CUL4B: variants seen among roughly 807,000 people sequenced by gnomAD.
The protein encoded by CUL4B is cullin-4B.
Under a neutral mutation model 69.2 loss-of-function variants are expected in CUL4B, and 1 was observed. That is an observed-to-expected ratio of 0.01 (90% CI 0.01 to 0.07). The LOEUF (loss-of-function observed/expected upper bound fraction) is 0.07, where lower values mean the gene tolerates loss of function less well. Among genes scored for constraint, CUL4B ranks in the 10% least tolerant of loss-of-function variants. CUL4B has a pLI of 1.00. For missense variants in CUL4B, 328 were observed against 638.8 expected, an observed-to-expected ratio of 0.51 and a Z score of 5.24; for synonymous variants, 237 against 223.2, an observed-to-expected ratio of 1.06 and a Z score of -0.55.
chrX:120,573,557 A>G (rs1046733359), intron 2 of CUL4B, among the ~76,000 whole-genome samples: 3 of 112,248 alleles, frequency 2.7e-5, no homozygotes, highest in Admixed American at 9.4e-5. Context: ...TTGTGCCAAC[A>G]TATGATCCCC....
chrX:120,537,228 T>C (rs1328690766), intron 14 of CUL4B, among the ~76,000 whole-genome samples, 194 bp from the exon 15 acceptor site: 1 of 112,474 alleles, frequency 8.9e-6, no homozygotes, highest in Non-Finnish European at 1.9e-5. Flanking sequence ...GGTTAACATT[T>C]TGATACAAAG....
chrX:120,537,160 G>A (rs1009524380), intron 14 of CUL4B, 126 bp from the exon 15 acceptor site: 4 of 526,922 alleles, frequency 7.6e-6, no homozygotes, highest in Non-Finnish European at 1.3e-5. Context: ...AAAATAAAAG[G>A]CAACTATTAA....
At chrX:120,531,523 G>C (rs991289663) in intron 18 of CUL4B, among the ~76,000 whole-genome samples, 1 of 105,635 alleles carries the variant, frequency 9.5e-6, no homozygotes, top group East Asian at 3.1e-4. Context: ...GCAGTGGCGC[G>C]ATCTCAGCTC....
At chrX:120,554,848 G>A (rs917785481) in intron 2 of CUL4B, among the ~76,000 whole-genome samples, 1 of 111,528 alleles carries the variant, frequency 9.0e-6, no homozygotes, top group African/African-American at 3.3e-5. Context: ...TTCTAATTAC[G>A]TTTCAATGAG....
At chrX:120,557,825 C>G in intron 2 of CUL4B, 99 bp downstream of exon 2, 1 of 505,055 alleles carries the variant, frequency 2.0e-6, no homozygotes, top group Non-Finnish European at 3.3e-6. Context: ...TAGAAGGGAA[C>G]CAAAAGTCTA....
At chrX:120,544,940 A>G (rs1438285836) in intron 5 of CUL4B, among the ~76,000 whole-genome samples, 1 of 112,355 alleles carries the variant, frequency 8.9e-6, no homozygotes, top group East Asian at 2.8e-4. Context: ...TCAACAGACA[A>G]AATTAGTTCT....
Position 120,560,364 on chromosome X carries a change from G to C in CUL4B, c.275C>G (p.Ser92Cys), listed in dbSNP as rs758583238. 3 of 1,205,731 alleles carry C rather than the reference G, an allele frequency of 2.5e-6. No individual in the cohort carries two copies. In the African/African-American group the frequency reaches 5.3e-5, roughly 21 times the overall value. The change falls in exon 1 of 20, where the codon TCC (serine) becomes TGC (cysteine). Residue 92 changes from serine to cysteine, a missense_variant. Physicochemically the swap from Ser to Cys is moderately radical, Grantham distance 112 (BLOSUM62 -1). Transcript: ENST00000371322. ...SFCLGVSVAA[S>C]SHVPIQKKLR... Reference sequence around the variant, plus strand: ...CTTCTTCTGTATCGGTACGTGGCTGGAAGCAGCCACTGAAACCCCCAGGCA... The same window carrying C: ...CTTCTTCTGTATCGGTACGTGGCTGCAAGCAGCCACTGAAACCCCCAGGCA...
At position 120,540,505 on chromosome X, in the gene CUL4B, A is replaced by G. The variant is rs1176954970; in HGVS notation, c.1501T>C (p.Leu501=). 13 of 1,204,970 alleles carry G rather than the reference A, an allele frequency of 1.1e-5. No individual in the cohort carries two copies. Among genetic ancestry groups the G allele is most frequent in the Non-Finnish European group, 1.3e-5 (12 of 892,037 alleles). Reference sequence around the variant, plus strand: ...TCAACCTTATCTTTAAAATCCAGCAATTCTTGAACCATGGTTTTATCTTTT... The same window carrying G: ...TCAACCTTATCTTTAAAATCCAGCAGTTCTTGAACCATGGTTTTATCTTTT... ...PEKDKTMVQE[L]LDFKDKVDHI... The change falls in exon 11 of 20, where the codon TTG becomes CTG. Residue 501 remains leucine (L), a synonymous_variant. Transcript: ENST00000371322.
chrX:120,530,961 T>C (rs12387747), intron 18 of CUL4B, among the ~76,000 whole-genome samples: 4,324 of 111,524 alleles, frequency 0.039, 194 homozygotes, highest in African/African-American at 0.13. Context: ...TTTAAGAAAA[T>C]ATCCTGTCTT....
intron 19 of CUL4B, among the ~76,000 whole-genome samples, chrX:120,527,091 G>A (rs1264501738): frequency 2.9e-5 from 3 of 104,125 alleles, no homozygotes; most frequent in Non-Finnish European, 3.9e-5. Context: ...ACGGAGTCTC[G>A]CTCTGTCACC....
intron 16 of CUL4B, among the ~76,000 whole-genome samples, chrX:120,535,025 T>A (rs191383673): frequency 1.8e-5 from 2 of 111,884 alleles, no homozygotes; most frequent in Admixed American, 1.9e-4. Flanking sequence ...CAACAAGATT[T>A]CTGTCAAGAA....
intron 2 of CUL4B, among the ~76,000 whole-genome samples, chrX:120,557,684 C>T (rs1293647393): frequency 2.7e-5 from 3 of 111,580 alleles, no homozygotes; most frequent in Non-Finnish European, 5.7e-5. Flanking sequence ...CACCAAGGTA[C>T]ACGTAACTGT....
intron 2 of CUL4B, among the ~76,000 whole-genome samples, chrX:120,554,379 T>C (rs1020161427): frequency 8.9e-6 from 1 of 111,969 alleles, no homozygotes; most frequent in African/African-American, 3.2e-5. Context: ...TAATCAGTCT[T>C]ATTTGCAGTC....
At position 120,544,120 on chromosome X, in the gene CUL4B, T is replaced by A. The variant is rs780633963; in HGVS notation, c.1167A>T (p.Glu389Asp). ...YAAEGQKLMQEREVPEYLHHV... is the reference protein window; with the variant it reads ...YAAEGQKLMQDREVPEYLHHV... Reference sequence around the variant, plus strand: ...AGTCATGATTTTTAAATACCTCTCTTTCTTGCATTAATTTTTGGCCTTCAG... The same window carrying A: ...AGTCATGATTTTTAAATACCTCTCTATCTTGCATTAATTTTTGGCCTTCAG... The change falls in exon 7 of 20, where the codon GAA becomes GAT. Residue 389 changes from glutamate to aspartate, a missense_variant. This residue lies in a region of CUL4B where 126 missense variants were observed against 202.5 expected (regional missense o/e 0.62). Transcript: ENST00000371322. 1 of 1,171,041 alleles carries A rather than the reference T, an allele frequency of 8.5e-7. No individual in the cohort carries two copies. The highest frequency in any genetic ancestry group is 1.2e-6 in the Non-Finnish European group (1 of 859,959).
At chrX:120,557,591 T>C (rs1344188411) in intron 2 of CUL4B, among the ~76,000 whole-genome samples, 1 of 111,952 alleles carries the variant, frequency 8.9e-6, no homozygotes, top group African/African-American at 3.3e-5. Flanking sequence ...TAAGAAACAA[T>C]TATCACAATA....
downstream of CUL4B, among the ~76,000 whole-genome samples, chrX:120,567,733 A>C (rs1266369502): frequency 1.8e-5 from 2 of 108,167 alleles, no homozygotes; most frequent in Non-Finnish European, 3.8e-5. Context: ...AAAAAAAAAA[A>C]ATTAGCTGTA....
At chrX:120,532,902 T>C (rs1420532103) in intron 17 of CUL4B, among the ~76,000 whole-genome samples, 2 of 111,668 alleles carry the variant, frequency 1.8e-5, no homozygotes, top group Non-Finnish European at 3.8e-5. Flanking sequence ...CGGCCCCTAG[T>C]CCTCTTTTAA....
At chrX:120,559,236 C>T (rs1320398417) in intron 1 of CUL4B, among the ~76,000 whole-genome samples, 2 of 111,907 alleles carry the variant, frequency 1.8e-5, no homozygotes, top group African/African-American at 3.3e-5. Flanking sequence ...CTGGCAGTTA[C>T]GGGTGTTGAA....
At chrX:120,555,017 C>T (rs369641249) in intron 2 of CUL4B, among the ~76,000 whole-genome samples, 47 of 111,575 alleles carry the variant, frequency 4.2e-4, no homozygotes, top group African/African-American at 1.5e-3. Context: ...AGCTAAAAAC[C>T]AATGCTTTTG....
Sources: gnomAD v4.1 joint callset for allele counts (sites outside exome capture counted in the v4.1 genomes callset) on GRCh38, gnomAD v4.1.1 for gene constraint, gnomAD v4.1.1 regional missense constraint, MANE v1.5 for transcripts, NCBI Gene and HGNC (gene_info 2026-07-23, HGNC 2026-07-21) for gene names.